CD99L2: variants seen among roughly 807,000 people sequenced by gnomAD.
The protein encoded by CD99L2 is CD99 molecule like 2.
In CD99L2, 24 loss-of-function variants were observed where a neutral mutation model predicts 27.3. The ratio of observed to expected loss-of-function variants is 0.88; its 90% CI spans 0.64 to 1.24. The LOEUF (loss-of-function observed/expected upper bound fraction) is 1.24. Ranked by LOEUF, CD99L2 falls within the 50% of genes most tolerant of loss-of-function variation. The pLI is 0.00. For synonymous variants in CD99L2, 97 were observed against 87.9 expected (o/e 1.10, Z -0.58); for missense variants, 255 against 221.6 (o/e 1.15, Z -0.96).
At chrX:150,822,284 G>C in intron 2 of CD99L2, among the ~76,000 whole-genome samples, 1 of 112,141 alleles carries the variant, frequency 8.9e-6, no homozygotes, top group Non-Finnish European at 1.9e-5. Flanking sequence ...GCTACATGCT[G>C]TCCAGTTCCA....
intron 1 of CD99L2, among the ~76,000 whole-genome samples, chrX:150,888,128 A>G (rs1433978620): frequency 1.2e-4 from 14 of 112,078 alleles, no homozygotes; most frequent in African/African-American, 4.5e-4. Flanking sequence ...GAATTCAATG[A>G]AAGTCACGCT....
At chrX:150,824,859 T>C (rs1375795790) in intron 2 of CD99L2, among the ~76,000 whole-genome samples, 1 of 111,772 alleles carries the variant, frequency 8.9e-6, no homozygotes, top group Admixed American at 9.5e-5. Context: ...TATTTGGAAG[T>C]TGAGAATATG....
intron 1 of CD99L2, among the ~76,000 whole-genome samples, chrX:150,886,211 A>G (rs782690950): frequency 8.9e-6 from 1 of 112,492 alleles, no homozygotes; most frequent in Non-Finnish European, 1.9e-5. Context: ...ACTCGTGAAC[A>G]ATACTGAAAA....
intron 1 of CD99L2, among the ~76,000 whole-genome samples, chrX:150,852,207 A>C (rs1430317138): frequency 8.9e-6 from 1 of 111,762 alleles, no homozygotes; most frequent in African/African-American, 3.3e-5. Flanking sequence ...CATTTGGCCA[A>C]AACAACATTT....
intron 1 of CD99L2, among the ~76,000 whole-genome samples, chrX:150,838,241 G>A (rs1483244450): frequency 8.9e-6 from 1 of 112,294 alleles, no homozygotes; most frequent in African/African-American, 3.2e-5. Context: ...GGCATAGCCT[G>A]AGAAGCTTAA....
In CD99L2 at chrX:150,768,781, T is replaced by A. The variant is rs1163927686; in HGVS notation, c.*253A>T. ...CAGGCTGGCTTTGGGAGTTGGTGGC[T>A]CAGCAGCTCCCGAGGCTGGTGCTGG... On this transcript the variant is annotated 3_prime_UTR_variant, in exon 11 of 11. Transcript: ENST00000370377. 9 of 644,676 alleles carry A rather than the reference T, an allele frequency of 1.4e-5. No individual in the cohort carries two copies. The highest frequency in any genetic ancestry group is 4.7e-5 in the African/African-American group (2 of 42,571). The allele number at this position is 644,676 out of a possible 1,213,427, so 53.1% of individuals were successfully genotyped here.
At chrX:150,821,046 C>T (rs782351126) in intron 2 of CD99L2, among the ~76,000 whole-genome samples, 3 of 112,013 alleles carry the variant, frequency 2.7e-5, no homozygotes, top group African/African-American at 6.5e-5. Flanking sequence ...TGAAATCCTA[C>T]GTCCATAGAT....
intron 7 of CD99L2, among the ~76,000 whole-genome samples, chrX:150,783,500 A>C (rs1467518162): frequency 1.8e-5 from 2 of 111,466 alleles, no homozygotes; most frequent in African/African-American, 6.5e-5. Flanking sequence ...TGGGTAAGAG[A>C]ATGCCTGTAT....
rs944758699 is a variant in CD99L2 at position 150,859,791 on chromosome X, G to A, written c.68-28498C>T. Reference sequence around the variant, plus strand: ...TGGGATTACAGGTGTAAGCCACCGCGCCCGGCAGCAAAACTCTGTCTTAAA... The same window carrying A: ...TGGGATTACAGGTGTAAGCCACCGCACCCGGCAGCAAAACTCTGTCTTAAA... On this transcript the variant is annotated intron_variant, in intron 1 of 10. Transcript: ENST00000370377. 2.1e-4 allele frequency among the ~76,000 whole-genome samples: 23 copies of A among 109,791 alleles called. No homozygotes were observed. In the South Asian group the frequency reaches 2.3e-3, roughly 11 times the overall value.
At chrX:150,849,164 C>T (rs782650833) in intron 1 of CD99L2, among the ~76,000 whole-genome samples, 18 of 111,971 alleles carry the variant, frequency 1.6e-4, no homozygotes, top group Admixed American at 1.5e-3. Context: ...AATTCAACAC[C>T]TGTGTACACA....
chrX:150,835,963 G>A (rs1033595638), intron 1 of CD99L2, among the ~76,000 whole-genome samples: 55 of 110,902 alleles, frequency 5.0e-4, no homozygotes, highest in African/African-American at 1.6e-3. Flanking sequence ...CCTTCTCTCC[G>A]ATCCCCAGTA....
intron 1 of CD99L2, among the ~76,000 whole-genome samples, chrX:150,847,509 C>T (rs2046720654): frequency 9.0e-6 from 1 of 111,039 alleles, no homozygotes; most frequent in African/African-American, 3.3e-5. Flanking sequence ...AACTAGAAAA[C>T]CCTCTTTTGA....
intron 9 of CD99L2, among the ~76,000 whole-genome samples, chrX:150,772,676 T>C (rs2043481708): frequency 8.9e-6 from 1 of 112,296 alleles, no homozygotes; most frequent in South Asian, 3.7e-4. Flanking sequence ...ATGGAACCTT[T>C]TGGACGGGAG....
At chrX:150,867,308 G>A (rs2047076785) in intron 1 of CD99L2, among the ~76,000 whole-genome samples, 1 of 111,374 alleles carries the variant, frequency 9.0e-6, no homozygotes, top group Admixed American at 9.6e-5. Context: ...TACTTGGGAG[G>A]CTGAGGCAGG....
intron 1 of CD99L2, among the ~76,000 whole-genome samples, chrX:150,881,396 G>A (rs932969811): frequency 2.2e-4 from 25 of 111,749 alleles, no homozygotes; most frequent in African/African-American, 6.2e-4. Flanking sequence ...CTAGGTCATC[G>A]CAGAGATTGT....
intron 6 of CD99L2, 105 bp from the exon 7 acceptor site, chrX:150,793,861 T>G (rs1557419804): frequency 1.6e-6 from 1 of 606,259 alleles, no homozygotes; most frequent in African/African-American, 2.3e-5. Context: ...CCAGTTCCAC[T>G]TAAGAATGCC....
chrX:150,778,415 A>G (rs1363299571), intron 7 of CD99L2, among the ~76,000 whole-genome samples: 1 of 101,805 alleles, frequency 9.8e-6, no homozygotes, highest in Non-Finnish European at 2.0e-5. Context: ...TCAAAGAGTC[A>G]GGAGGAATGG....
intron 2 of CD99L2, among the ~76,000 whole-genome samples, chrX:150,820,232 A>G (rs1180710465): frequency 1.9e-5 from 2 of 107,347 alleles, no homozygotes; most frequent in Non-Finnish European, 3.9e-5. Context: ...AAATCAATCA[A>G]TGTACTATCC....
At chrX:150,781,717 T>C (rs1460362228) in intron 7 of CD99L2, among the ~76,000 whole-genome samples, 1 of 111,638 alleles carries the variant, frequency 9.0e-6, no homozygotes, top group Admixed American at 9.5e-5. Context: ...AGCCACACCA[T>C]AGCAATAGGG....
Sources: gnomAD v4.1 joint callset for allele counts (sites outside exome capture counted in the v4.1 genomes callset) on GRCh38, gnomAD v4.1.1 for gene constraint, MANE v1.5 for transcripts, NCBI Gene and HGNC (gene_info 2026-07-23, HGNC 2026-07-21) for gene names.